The following TTLL11 variants were observed in gnomAD, a reference collection of about 807,000 sequenced individuals.
TTLL11 encodes the protein tubulin polyglutamylase TTLL11.
TTLL11 carries 42 observed loss-of-function variants against 51.7 expected under a neutral mutation model. The observed-to-expected ratio is 0.81, with a 90% CI of 0.64 to 1.05. The LOEUF is 1.05. Among genes scored for constraint, TTLL11 ranks in the 50% least tolerant of loss-of-function variants. TTLL11 has a pLI of 0.00. For synonymous variants in TTLL11, 381 were observed against 383.5 expected (o/e 0.99, Z 0.08); for missense variants, 799 against 940.4 (o/e 0.85, Z 1.97).
At chr9:121,913,843 G>A (rs1840228492) in intron 6 of TTLL11, among the ~76,000 whole-genome samples, 1 of 152,184 alleles carries the variant, frequency 6.6e-6, no homozygotes, top group African/African-American at 2.4e-5. Context: ...TCCCTGGACA[G>A]GGCTGCGGAA....
chr9:121,929,293 A>G lies in TTLL11; in HGVS notation c.1481+44716T>C, dbSNP rs949126564. 1.1e-4 allele frequency among the ~76,000 whole-genome samples: 16 copies of G among 152,184 alleles called. No homozygotes were observed. In the South Asian group the frequency reaches 2.5e-3, roughly 24 times the overall value. On this transcript the variant is annotated intron_variant, in intron 6 of 8. Coordinates refer to ENST00000321582, the MANE Select transcript of TTLL11 (RefSeq NM_001139442.2). The stretch of plus-strand genomic sequence containing the variant: ...TGTCTCTACTAAAAATACAAAAATT[A>G]GCTGGGTGTGGTGGCGCACACCTGT...
At chr9:122,018,385 T>C (rs1459893094) in intron 3 of TTLL11, among the ~76,000 whole-genome samples, 1 of 152,192 alleles carries the variant, frequency 6.6e-6, no homozygotes, top group Non-Finnish European at 1.5e-5. Flanking sequence ...GTGCTGGGAT[T>C]ACAGGCATGA....
intron 4 of TTLL11, among the ~76,000 whole-genome samples, chr9:121,986,977 T>A (rs1424981087): frequency 6.6e-6 from 1 of 152,016 alleles, no homozygotes; most frequent in African/African-American, 2.4e-5. Context: ...CCCACCAGCA[T>A]GGGTGGACCT....
chr9:122,078,854 G>A (rs1348705704), intron 1 of TTLL11, among the ~76,000 whole-genome samples: 1 of 151,930 alleles, frequency 6.6e-6, no homozygotes, highest in Non-Finnish European at 1.5e-5. Flanking sequence ...ATCATATGGA[G>A]CCTTCATAAG....
At chr9:121,926,705 G>A (rs1373589262) in intron 6 of TTLL11, among the ~76,000 whole-genome samples, 1 of 152,226 alleles carries the variant, frequency 6.6e-6, no homozygotes, top group Non-Finnish European at 1.5e-5. Context: ...CTTCCTCCTC[G>A]AGGCTGGAGC....
At chr9:122,080,155 T>G (rs977658505) in intron 1 of TTLL11, among the ~76,000 whole-genome samples, 1 of 152,206 alleles carries the variant, frequency 6.6e-6, no homozygotes. Context: ...TGATTAGAAT[T>G]AAGTATTTGG....
chr9:121,959,461 C>T (rs758207562), intron 6 of TTLL11, among the ~76,000 whole-genome samples: 6 of 152,198 alleles, frequency 3.9e-5, no homozygotes, highest in Non-Finnish European at 7.3e-5. Flanking sequence ...GCTTCTGGGA[C>T]CTCCATGACT....
intron 6 of TTLL11, among the ~76,000 whole-genome samples, chr9:121,971,380 G>A (rs1225592862): frequency 4.7e-5 from 4 of 85,908 alleles, no homozygotes; most frequent in Admixed American, 1.1e-4. Flanking sequence ...CAGCCGCCCC[G>A]TCCGGGAGGG....
chr9:122,066,403 A>C (rs954695177), intron 1 of TTLL11, among the ~76,000 whole-genome samples: 1 of 152,184 alleles, frequency 6.6e-6, no homozygotes, highest in African/African-American at 2.4e-5. Flanking sequence ...AAGGACAAAA[A>C]AAAATCACTG....
At chr9:121,877,659 G>A (rs547822990) in intron 6 of TTLL11, among the ~76,000 whole-genome samples, 1 of 152,198 alleles carries the variant, frequency 6.6e-6, no homozygotes, top group South Asian at 2.1e-4. Flanking sequence ...ACACAATAGC[G>A]ATGATATTAA....
At chr9:121,860,304 C>T (rs1433096453) in intron 8 of TTLL11, 33 bp downstream of exon 8, 27 of 1,511,586 alleles carry the variant, frequency 1.8e-5, no homozygotes, top group Non-Finnish European at 2.3e-5. Flanking sequence ...GTCAGGACCC[C>T]CACAGGCCAT....
At chr9:122,001,101 G>A (rs1022982448) in intron 3 of TTLL11, among the ~76,000 whole-genome samples, 2 of 151,832 alleles carry the variant, frequency 1.3e-5, no homozygotes, top group Admixed American at 1.3e-4. Context: ...CTGTTTTTTG[G>A]TTTTTGTTTT....
chr9:122,074,229 G>A (rs1335817289), intron 1 of TTLL11, among the ~76,000 whole-genome samples: 2 of 150,536 alleles, frequency 1.3e-5, no homozygotes, highest in African/African-American at 2.5e-5. Flanking sequence ...AGCCGAGATC[G>A]TGCCACTGCA....
intron 3 of TTLL11, among the ~76,000 whole-genome samples, chr9:122,027,440 A>G (rs1370037729): frequency 6.6e-6 from 1 of 152,232 alleles, no homozygotes; most frequent in African/African-American, 2.4e-5. Flanking sequence ...AAATGCAATG[A>G]GGGATCATGG....
intron 6 of TTLL11, among the ~76,000 whole-genome samples, chr9:121,914,691 T>C (rs1280267216): frequency 6.6e-6 from 1 of 152,142 alleles, no homozygotes; most frequent in Non-Finnish European, 1.5e-5. Context: ...CCCTCCATCC[T>C]CATTGGACCA....
At chr9:122,058,374 A>T (rs1845351500) in intron 1 of TTLL11, among the ~76,000 whole-genome samples, 2 of 152,236 alleles carry the variant, frequency 1.3e-5, no homozygotes, top group African/African-American at 4.8e-5. Context: ...CCTCAAGACC[A>T]ATTTTAATGT....
intron 8 of TTLL11, among the ~76,000 whole-genome samples, chr9:121,838,290 G>A (rs1295361325): frequency 6.6e-6 from 1 of 151,992 alleles, no homozygotes; most frequent in East Asian, 1.9e-4. Flanking sequence ...ACATCCCTAG[G>A]ACCATAAACC....
chr9:121,852,753 G>A (rs914748093), intron 8 of TTLL11, among the ~76,000 whole-genome samples: 4 of 152,172 alleles, frequency 2.6e-5, no homozygotes, highest in African/African-American at 7.2e-5. Flanking sequence ...AGGTTGAGCC[G>A]GCATCTCTGC....
intron 6 of TTLL11, among the ~76,000 whole-genome samples, chr9:121,914,558 G>C (rs1840253273): frequency 6.6e-6 from 1 of 152,194 alleles, no homozygotes; most frequent in Non-Finnish European, 1.5e-5. Context: ...CCCAGTAAAA[G>C]AGACAGTGCT....
Sources: allele counts gnomAD v4.1 joint callset (sites outside exome capture counted in the v4.1 genomes callset), GRCh38; gene constraint gnomAD v4.1.1; transcripts MANE v1.5; gene names NCBI Gene and HGNC (gene_info 2026-07-23, HGNC 2026-07-21).